NAV2: variants seen among roughly 807,000 people sequenced by gnomAD.
NAV2 encodes helicase, APC down-regulated 1.
A neutral mutation model predicts 223.2 loss-of-function variants in NAV2; 54 were observed. The ratio of observed to expected loss-of-function variants is 0.24; its 90% confidence interval spans 0.19 to 0.30. The LOEUF is 0.30. NAV2 is among the 10% of genes least tolerant of loss of function. NAV2 has a pLI of 1.00. For missense variants in NAV2, 2,806 were observed against 3,147.5 expected (o/e 0.89, Z 2.60); for synonymous variants, 1,279 against 1,239.3 (o/e 1.03, Z -0.67).
At chr11:19,483,373 C>G (rs867426934) in intron 1 of NAV2, among the ~76,000 whole-genome samples, 1 of 152,184 alleles carries the variant, frequency 6.6e-6, no homozygotes, top group Non-Finnish European at 1.5e-5. Flanking sequence ...TGGTAGCTAT[C>G]TTAGTTATCA....
At chr11:20,030,043 G>A (rs991895915) in intron 11 of NAV2, among the ~76,000 whole-genome samples, 3 of 152,198 alleles carry the variant, frequency 2.0e-5, no homozygotes, top group Non-Finnish European at 4.4e-5. Context: ...AAACCAAAAA[G>A]ATAGGGAAAC....
intron 11 of NAV2, among the ~76,000 whole-genome samples, chr11:20,004,461 G>C (rs893993617): frequency 6.6e-6 from 1 of 152,106 alleles, no homozygotes; most frequent in Non-Finnish European, 1.5e-5. Context: ...GAACCCAGGG[G>C]CATTGTAAAT....
chr11:19,585,956 A>G (rs924143407), intron 1 of NAV2, among the ~76,000 whole-genome samples: 1 of 152,180 alleles, frequency 6.6e-6, no homozygotes, highest in Non-Finnish European at 1.5e-5. Context: ...GTTCTCCTGG[A>G]TAATATCCTG....
At chr11:19,681,578 G>A (rs2048881172) in intron 1 of NAV2, among the ~76,000 whole-genome samples, 1 of 152,178 alleles carries the variant, frequency 6.6e-6, no homozygotes, top group Admixed American at 6.5e-5. Flanking sequence ...CTAAAGAGGT[G>A]ACCAGTCTGA....
At chr11:19,449,896 G>A (rs17594372) in intron 1 of NAV2, among the ~76,000 whole-genome samples, 22,614 of 151,290 alleles carry the variant, frequency 0.15, 2,084 homozygotes, top group East Asian at 0.25. Flanking sequence ...AAGATTCGTG[G>A]CTTCATTCGG....
At chr11:19,426,240 G>C (rs1733443938) in intron 1 of NAV2, among the ~76,000 whole-genome samples, 1 of 152,288 alleles carries the variant, frequency 6.6e-6, no homozygotes, top group East Asian at 1.9e-4. Context: ...TAGATGTAAA[G>C]TGTTGTTTCT....
At chr11:19,920,993 G>A (rs932576450) in intron 6 of NAV2, among the ~76,000 whole-genome samples, 1 of 152,192 alleles carries the variant, frequency 6.6e-6, no homozygotes, top group African/African-American at 2.4e-5. Context: ...ATTGTTTCCT[G>A]ATTTAGGTGA....
chr11:19,859,397 C>T (rs2061564024), intron 3 of NAV2, among the ~76,000 whole-genome samples: 1 of 149,248 alleles, frequency 6.7e-6, no homozygotes, highest in African/African-American at 2.5e-5. Flanking sequence ...CTTGCACCGC[C>T]CTTAATCCAT....
intron 1 of NAV2, among the ~76,000 whole-genome samples, chr11:19,638,356 G>A (rs2047562810): frequency 6.6e-6 from 1 of 152,226 alleles, no homozygotes; most frequent in African/African-American, 2.4e-5. Flanking sequence ...CACTACAAAA[G>A]CAACCTTTGT....
chr11:19,461,650 A>G (rs189676453), intron 1 of NAV2, among the ~76,000 whole-genome samples: 138 of 152,346 alleles, frequency 9.1e-4, no homozygotes, highest in African/African-American at 3.2e-3. Context: ...TTCTTTTCAA[A>G]TCATAGCTTG....
intron 18 of NAV2, among the ~76,000 whole-genome samples, chr11:20,054,700 G>A (rs1329384780): frequency 6.6e-6 from 1 of 152,026 alleles, no homozygotes; most frequent in Admixed American, 6.6e-5. Context: ...TTATTAAGTT[G>A]GAAATAAAAG....
intron 5 of NAV2, among the ~76,000 whole-genome samples, chr11:19,889,621 G>C (rs1009128718): frequency 2.0e-5 from 3 of 152,188 alleles, no homozygotes; most frequent in African/African-American, 7.2e-5. Context: ...CAATGCTGCA[G>C]CCATTTGAAC....
rs536341493 is a variant in NAV2 at position 19,537,359 on chromosome 11, G to A, written c.75+186332G>A. 1.5e-3 allele frequency among the ~76,000 whole-genome samples: 224 copies of A among 152,272 alleles called. 1 individual carries two copies. In the Middle Eastern group the frequency reaches 0.024, roughly 16 times the overall value. Reference sequence around the variant, plus strand: ...TAAGCCAACCTCACAACAACCTCACGAGGAAAGTCTAATATTATTATCTCC... The same window carrying A: ...TAAGCCAACCTCACAACAACCTCACAAGGAAAGTCTAATATTATTATCTCC... On this transcript the variant is annotated intron_variant, in intron 1 of 37. Transcript: ENST00000360655.
intron 1 of NAV2, among the ~76,000 whole-genome samples, chr11:19,780,128 T>C (rs984674975): frequency 2.0e-5 from 3 of 152,236 alleles, no homozygotes; most frequent in African/African-American, 7.2e-5. Context: ...AAAACTTGCA[T>C]CTTTATATGT....
intron 1 of NAV2, among the ~76,000 whole-genome samples, chr11:19,629,253 A>G (rs1336518466): frequency 1.3e-5 from 2 of 152,008 alleles, no homozygotes; most frequent in African/African-American, 4.8e-5. Flanking sequence ...CCAGAGAACA[A>G]GACCAAAATA....
intron 4 of NAV2, among the ~76,000 whole-genome samples, chr11:19,869,956 G>A (rs1357585209): frequency 6.6e-6 from 1 of 152,170 alleles, no homozygotes; most frequent in Non-Finnish European, 1.5e-5. Flanking sequence ...GGTTTTCCTG[G>A]CTGCGTTTCT....
chr11:19,697,759 A>G (rs1021798117), intron 1 of NAV2, among the ~76,000 whole-genome samples: 2 of 152,132 alleles, frequency 1.3e-5, no homozygotes, highest in South Asian at 4.1e-4. Context: ...AACAAAAAGT[A>G]GGTCATTGTC....
rs1183682776 is a variant in NAV2, at chr11:20,080,145, C to T, written c.5261C>T (p.Thr1754Ile). ...SDSVSSINSA[T>I]SHSSVGSNIE... ...AGCGTCTCCAGCATCAACAGTGCCACCAGCCACTCCAGCGTGGGCAGCAAC... is the reference window on the plus strand; with the variant it reads ...AGCGTCTCCAGCATCAACAGTGCCATCAGCCACTCCAGCGTGGGCAGCAAC... The change falls in exon 25 of 38, where the codon ACC (threonine) becomes ATC (isoleucine). Residue 1754 changes from threonine (T) to isoleucine (I), a missense_variant. Physicochemically the swap from Thr to Ile is moderately conservative, Grantham distance 89. Around this residue, in one of 4 missense-constraint regions of NAV2, gnomAD observed 824 missense variants for 1,069.4 expected, o/e 0.77. Transcript: ENST00000349880. 6.2e-7 allele frequency: 1 copy of T among 1,614,040 alleles called. No individual in the cohort carries two copies.
rs77379969 is a variant in NAV2, at chr11:19,645,123, G to A, written c.76-187361G>A. ...TTCACCAGGCCGAAATCAAGGTGTC[G>A]AAAGGTCTGCATTCCTTCTGGAGGC... On this transcript the variant is annotated intron_variant, in intron 1 of 37. Coordinates refer to the NAV2 transcript ENST00000360655. 4.6e-5 allele frequency among the ~76,000 whole-genome samples: 7 copies of A among 152,190 alleles called. No homozygotes were observed. The South Asian group carries it at 6.2e-4, about 13-fold the overall frequency.
Sources: allele counts gnomAD v4.1 joint callset (sites outside exome capture counted in the v4.1 genomes callset), GRCh38; gene constraint gnomAD v4.1.1; regional missense constraint gnomAD v4.1.1; transcripts MANE v1.5; gene names NCBI Gene and HGNC (gene_info 2026-07-23, HGNC 2026-07-21).